ITPKB: variants seen among roughly 807,000 people sequenced by gnomAD.
The protein encoded by ITPKB is IP3 3-kinase B.
Under a neutral mutation model 69.4 loss-of-function variants are expected in ITPKB, and 13 were observed. The observed-to-expected ratio is 0.19, with a 90% CI of 0.12 to 0.30. The LOEUF is 0.30. ITPKB is among the 10% of genes least tolerant of loss of function. The pLI, the probability that ITPKB is intolerant of heterozygous loss-of-function variation, is 1.00. For synonymous variants in ITPKB, 584 were observed against 513.7 expected (o/e 1.14, Z -1.85); for missense variants, 1,240 against 1,250.5 (o/e 0.99, Z 0.13).
In ITPKB at chr1:226,686,158, C is replaced by T. The variant is rs370691960; in HGVS notation, c.1933-37387G>A. Among the ~76,000 whole-genome samples, 25 of 152,340 alleles carry T rather than the reference C, an allele frequency of 1.6e-4. 1 individual carries two copies. The South Asian group carries it at 5.0e-3, about 30-fold the overall frequency. On this transcript the variant is annotated intron_variant, in intron 2 of 7. Coordinates refer to ENST00000429204, the MANE Select transcript of ITPKB (RefSeq NM_002221.4). ...AAAGCCATGTGGGCCAGCAGGCTTC[C>T]GAACCAGTTCTGTCTGCTCTAATGA...
chr1:226,712,665 C>T (rs560344949), intron 2 of ITPKB, among the ~76,000 whole-genome samples: 2 of 152,282 alleles, frequency 1.3e-5, no homozygotes, highest in Admixed American at 6.5e-5. Context: ...TGTTCAGGCC[C>T]GTCTGTCTGT....
intron 2 of ITPKB, among the ~76,000 whole-genome samples, chr1:226,653,373 A>T (rs1447246239): frequency 6.6e-6 from 1 of 152,206 alleles, no homozygotes; most frequent in African/African-American, 2.4e-5. Context: ...AGGAAGGACA[A>T]GAGCAAGATT....
chr1:226,723,780 G>A (rs942737227), intron 2 of ITPKB, among the ~76,000 whole-genome samples: 1 of 152,028 alleles, frequency 6.6e-6, no homozygotes, highest in Non-Finnish European at 1.5e-5. Flanking sequence ...AAAGAGGCTG[G>A]TCCCCAGGGT....
At chr1:226,706,847 C>T (rs574185182) in intron 2 of ITPKB, among the ~76,000 whole-genome samples, 3 of 152,324 alleles carry the variant, frequency 2.0e-5, no homozygotes, top group African/African-American at 7.2e-5. Context: ...ACTCTGTTGC[C>T]GAGGTGCACA....
Position 226,697,182 on chromosome 1 carries a change from G to A in ITPKB, c.1932+38345C>T, listed in dbSNP as rs191480647. 2.6e-5 allele frequency among the ~76,000 whole-genome samples: 4 copies of A among 152,354 alleles called. No individual in the cohort carries two copies. The East Asian group carries it at 7.7e-4, about 29-fold the overall frequency. ...GAAGAAATCCACTGATTCAGGCTAG[G>A]TGCCTGTCACAACTTGGTTAGCCTT... On this transcript the variant is annotated intron_variant, in intron 2 of 7. Coordinates refer to ENST00000429204, the MANE Select transcript of ITPKB (RefSeq NM_002221.4).
chr1:226,671,300 G>C (rs1210198397), intron 2 of ITPKB, among the ~76,000 whole-genome samples: 4 of 152,176 alleles, frequency 2.6e-5, no homozygotes, highest in African/African-American at 9.7e-5. Flanking sequence ...ACTGATGTGG[G>C]AAACCCTTCC....
intron 2 of ITPKB, among the ~76,000 whole-genome samples, chr1:226,734,119 G>A (rs565009005): frequency 6.6e-6 from 1 of 152,246 alleles, no homozygotes; most frequent in Non-Finnish European, 1.5e-5. Context: ...ACCTGCCCTT[G>A]ACCACCATCC....
chr1:226,705,060 A>T (rs1340675124), intron 2 of ITPKB, among the ~76,000 whole-genome samples: 1 of 152,226 alleles, frequency 6.6e-6, no homozygotes, highest in Non-Finnish European at 1.5e-5. Flanking sequence ...GGGCCTAAGA[A>T]AAGTTATAGG....
In ITPKB at chr1:226,632,979, C is replaced by T. The variant is rs1186226932; in HGVS notation, c.*1692G>A. 6.6e-6 allele frequency: 1 copy of T among 152,262 alleles called. No individual in the cohort carries two copies. Among genetic ancestry groups the T allele is most frequent in the Admixed American group, 6.5e-5 (1 of 15,284 alleles). 9.4% of individuals were successfully genotyped at this position (152,262 alleles called of 1,614,324 possible). On this transcript the variant is annotated 3_prime_UTR_variant, in exon 8 of 8. Transcript: ENST00000429204. Reference sequence around the variant, plus strand: ...CCAACGCCCCCGTCCTGCCTGCCTTCCAGATCACATGCTGCCACGAGGTCT... The same window carrying T: ...CCAACGCCCCCGTCCTGCCTGCCTTTCAGATCACATGCTGCCACGAGGTCT...
At chr1:226,644,497 C>T (rs1037825144) in intron 4 of ITPKB, among the ~76,000 whole-genome samples, 5 of 152,224 alleles carry the variant, frequency 3.3e-5, no homozygotes, top group African/African-American at 7.2e-5. Context: ...CACCTGCACT[C>T]CCCAGGCCCC....
intron 2 of ITPKB, among the ~76,000 whole-genome samples, chr1:226,734,031 C>A (rs1657673693): frequency 6.6e-6 from 1 of 152,186 alleles, no homozygotes; most frequent in Non-Finnish European, 1.5e-5. Flanking sequence ...GACGGGGGAC[C>A]ATCTCTTATT....
chr1:226,649,445 G>A (rs1669133629), intron 2 of ITPKB, among the ~76,000 whole-genome samples: 2 of 97,808 alleles, frequency 2.0e-5, no homozygotes, highest in East Asian at 4.0e-4. Flanking sequence ...ATGTGTGCGT[G>A]TGTGTGCATG....
chr1:226,709,508 G>A (rs529149860), intron 2 of ITPKB, among the ~76,000 whole-genome samples: 11 of 152,282 alleles, frequency 7.2e-5, no homozygotes, highest in Middle Eastern at 3.4e-3. Context: ...GTGTCACTGC[G>A]GTCCTGGGAC....
intron 3 of ITPKB, 43 bp from the exon 4 acceptor site, chr1:226,647,423 T>A (rs750002766): frequency 6.7e-7 from 1 of 1,487,582 alleles, no homozygotes; most frequent in South Asian, 1.2e-5. Flanking sequence ...CGGCTGCAGG[T>A]AGCTGGCAGA....
chr1:226,648,647 G>C, intron 3 of ITPKB, 25 bp downstream of exon 3: 1 of 1,434,464 alleles, frequency 7.0e-7, no homozygotes, highest in Non-Finnish European at 9.8e-7. Flanking sequence ...ACCATGCTGG[G>C]AAAGTCTGGG....
chr1:226,650,731 G>A (rs549344727), intron 2 of ITPKB, among the ~76,000 whole-genome samples: 18 of 152,336 alleles, frequency 1.2e-4, no homozygotes, highest in African/African-American at 4.1e-4. Flanking sequence ...GGGAGGAGGG[G>A]AGCCCAGAGT....
chr1:226,698,947 C>T (rs977000242), intron 2 of ITPKB, among the ~76,000 whole-genome samples: 4 of 152,232 alleles, frequency 2.6e-5, no homozygotes, highest in Admixed American at 1.3e-4. Flanking sequence ...AAGCCAGTCT[C>T]ACCTGGAAAC....
intron 2 of ITPKB, among the ~76,000 whole-genome samples, chr1:226,664,156 G>A (rs1440157795): frequency 6.6e-6 from 1 of 152,192 alleles, no homozygotes; most frequent in Non-Finnish European, 1.5e-5. Flanking sequence ...CTGAGTTAGA[G>A]GAAATGAAAC....
intron 2 of ITPKB, among the ~76,000 whole-genome samples, chr1:226,708,095 C>T (rs1458306863): frequency 3.9e-5 from 6 of 151,986 alleles, no homozygotes; most frequent in East Asian, 1.9e-4. Context: ...TATGAAATGA[C>T]GTTAAAACAA....
Sources: gnomAD v4.1 joint callset for allele counts (sites outside exome capture counted in the v4.1 genomes callset) on GRCh38, gnomAD v4.1.1 for gene constraint, MANE v1.5 for transcripts, NCBI Gene and HGNC (gene_info 2026-07-23, HGNC 2026-07-21) for gene names.